Variants in NLRC5 observed in about 807,000 individuals in gnomAD.
The protein encoded by NLRC5 is NLR family CARD domain containing 5, also known as protein NLRC5.
NLRC5 carries 114 observed loss-of-function variants against 206.9 expected under a neutral mutation model. The observed-to-expected ratio is 0.55, with a 90% confidence interval of 0.47 to 0.64. The LOEUF (loss-of-function observed/expected upper bound fraction) is 0.64. NLRC5 is among the 30% of genes least tolerant of loss of function. The pLI, the probability that NLRC5 is intolerant of heterozygous loss-of-function variation, is 0.00. For missense variants in NLRC5, 2,008 were observed against 2,305.5 expected (o/e 0.87, Z 2.64); for synonymous variants, 952 against 962.8 (o/e 0.99, Z 0.21).
chr16:57,055,836 G>T (rs1307880800), intron 27 of NLRC5, among the ~76,000 whole-genome samples: 1 of 152,218 alleles, frequency 6.6e-6, no homozygotes, highest in Non-Finnish European at 1.5e-5. Context: ...GGCCCAGCAG[G>T]TGGTTAAAAG....
chr16:57,013,520 A>G (rs971961045), intron 1 of NLRC5: 3 of 819,004 alleles, frequency 3.7e-6, no homozygotes, highest in South Asian at 2.7e-5. Flanking sequence ...TTGTGCTTTC[A>G]TCATTACAGT....
At chr16:57,063,792 G>C (rs2066801507) in intron 32 of NLRC5, among the ~76,000 whole-genome samples, 1 of 152,016 alleles carries the variant, frequency 6.6e-6, no homozygotes, top group South Asian at 2.1e-4. Context: ...AGGTTGGAGT[G>C]CAGTGGTGCG....
In NLRC5 at chr16:57,034,195, C is replaced by G. The variant is rs3995817; in HGVS notation, c.2571C>G (p.His857Gln). 6.2e-7 allele frequency: 1 copy of G among 1,612,806 alleles called. No individual in the cohort carries two copies. Among genetic ancestry groups the G allele is most frequent in the African/African-American group, 1.3e-5 (1 of 74,826 alleles). Residue 857 changes from histidine (H) to glutamine (Q), a missense_variant, in exon 13 of 49, where the codon CAC becomes CAG. By Grantham distance (24) the His-to-Gln change is conservative. Coordinates refer to ENST00000688547, the MANE Select transcript of NLRC5 (RefSeq NM_001384950.1). Reference protein sequence around the residue: ...LRLQKCQLQVHDAEALIALLQ... With the variant: ...LRLQKCQLQVQDAEALIALLQ... ...TGCAGAAGTGTCAGCTCCAGGTCCA[C>G]GATGCGGAGGCCCTCATAGCCCTGC...
At chr16:57,000,323 A>C (rs1225678138) in intron 1 of NLRC5, among the ~76,000 whole-genome samples, 1 of 152,132 alleles carries the variant, frequency 6.6e-6, no homozygotes, top group Non-Finnish European at 1.5e-5. Flanking sequence ...CTCTTGGTGG[A>C]AAGTTCAAGC....
chr16:57,004,382 C>T (rs1372449292), intron 1 of NLRC5: 6 of 152,318 alleles, frequency 3.9e-5, no homozygotes, highest in Admixed American at 3.9e-4. Flanking sequence ...CCTGCCTCAG[C>T]CTCCAAAAGT....
Position 57,025,518 on chromosome 16 carries a change from A to G in NLRC5, c.575A>G (p.Glu192Gly), listed in dbSNP as rs1381933057. ...RRATASLDTP[E>G]GAIMGDVKVE... Reference sequence around the variant, plus strand: ...GCCACAGCATCCTTAGACACTCCGGAGGGGGCCATTATGGGGGACGTCAAG... The same window carrying G: ...GCCACAGCATCCTTAGACACTCCGGGGGGGGCCATTATGGGGGACGTCAAG... Residue 192 changes from glutamate (E) to glycine (G), a missense_variant, in exon 6 of 49, where the codon GAG (glutamate) becomes GGG (glycine). By Grantham distance (98) the Glu-to-Gly change is moderately conservative. Coordinates refer to ENST00000688547, the MANE Select transcript of NLRC5 (RefSeq NM_001384950.1). The G allele has an allele frequency of 6.2e-7, 1 of 1,613,428 alleles. No individual in the cohort carries two copies. Among genetic ancestry groups the G allele is most frequent in the East Asian group, 2.2e-5 (1 of 44,866 alleles).
At chr16:57,064,365 T>C (rs1217869705) in intron 32 of NLRC5, among the ~76,000 whole-genome samples, 3 of 152,320 alleles carry the variant, frequency 2.0e-5, no homozygotes, top group African/African-American at 7.2e-5. Context: ...TGCACATGCA[T>C]TGTAGAAAGT....
At chr16:57,054,473 C>T (rs1470903004) in intron 24 of NLRC5, among the ~76,000 whole-genome samples, 1 of 152,164 alleles carries the variant, frequency 6.6e-6, no homozygotes, top group Non-Finnish European at 1.5e-5. Flanking sequence ...TCATATACCT[C>T]GAGAGTCATA....
At chr16:57,071,647 T>C (rs1174876157) in intron 38 of NLRC5, among the ~76,000 whole-genome samples, 4 of 99,828 alleles carry the variant, frequency 4.0e-5, no homozygotes, top group Non-Finnish European at 5.6e-5. Context: ...GTGATGGTGG[T>C]TAATGGGAAG....
intron 43 of NLRC5, among the ~76,000 whole-genome samples, 193 bp downstream of exon 43, chr16:57,078,213 T>C (rs890260467): frequency 6.6e-6 from 1 of 152,240 alleles, no homozygotes; most frequent in Non-Finnish European, 1.5e-5. Context: ...AGCCTAGTCC[T>C]GGCTCTGCCA....
chr16:57,053,780 C>T (rs1445356728), intron 24 of NLRC5, among the ~76,000 whole-genome samples: 2 of 152,154 alleles, frequency 1.3e-5, no homozygotes, highest in South Asian at 2.1e-4. Context: ...CCGCCCGCCT[C>T]GGCTTCCCAA....
intron 10 of NLRC5, among the ~76,000 whole-genome samples, 163 bp downstream of exon 10, chr16:57,030,247 C>T (rs2061649133): frequency 6.6e-6 from 1 of 152,128 alleles, no homozygotes; most frequent in African/African-American, 2.4e-5. Context: ...GGCTTGGCAC[C>T]TGGTACTTGG....
chr16:57,067,590 C>A, intron 35 of NLRC5, 120 bp downstream of exon 35: 1 of 1,349,254 alleles, frequency 7.4e-7, no homozygotes, highest in Non-Finnish European at 1.0e-6. Context: ...TCACACTTGG[C>A]CAGTGGAGGG....
At chr16:57,007,587 A>G (rs1485152709) in intron 1 of NLRC5, among the ~76,000 whole-genome samples, 2 of 152,024 alleles carry the variant, frequency 1.3e-5, no homozygotes, top group South Asian at 2.1e-4. Flanking sequence ...AAAATTAATC[A>G]GGCATGGTGG....
Position 57,053,590 on chromosome 16 carries a change from G to A in NLRC5, c.3507-1161G>A, listed in dbSNP as rs144798483. ...GTCACACAGGCTGGAGTGCAATGGC[G>A]CAATCTCGGCTCACTGCAACCTCCG... is the stretch of plus-strand genomic sequence containing the variant. On this transcript the variant is annotated intron_variant, in intron 24 of 48. Coordinates refer to ENST00000688547, the MANE Select transcript of NLRC5 (RefSeq NM_001384950.1). Among the ~76,000 whole-genome samples the A allele has an allele frequency of 7.7e-3, 1,174 of 152,252 alleles. 17 individuals carry two copies. Among genetic ancestry groups the A allele is most frequent in the African/African-American group, 0.026 (1,081 of 41,540 alleles).
intron 1 of NLRC5, among the ~76,000 whole-genome samples, chr16:57,014,938 T>TC (rs397688955): frequency 1.3e-5 from 2 of 149,472 alleles, no homozygotes; most frequent in African/African-American, 2.5e-5. Flanking sequence ...TTTTTTTTTT[T>TC]GTTTGTTTGA....
At chr16:56,996,698 A>G (rs1266555323) in intron 1 of NLRC5, among the ~76,000 whole-genome samples, 1 of 152,198 alleles carries the variant, frequency 6.6e-6, no homozygotes, top group Non-Finnish European at 1.5e-5. Context: ...CATAATGTAT[A>G]CTTCCAGAAT....
chr16:57,061,682 GC>G lies in NLRC5; in HGVS notation c.4136del (p.Ala1379GlufsTer22), dbSNP rs750662374. 1.8e-5 allele frequency: 29 copies of G among 1,607,270 alleles called. No individual in the cohort carries two copies. Among genetic ancestry groups the G allele is most frequent in the Non-Finnish European group, 2.2e-5 (26 of 1,178,554 alleles). On this transcript the variant is annotated frameshift_variant, in exon 32 of 49. Transcript: ENST00000688547. LOFTEE classifies it high-confidence loss of function. ...AILLSLVGRP[A>X]GLFSLRVQEP... ...CCTCCTGAGCTTGGTGGGGCGACCC[GC>G]AGGGCTGTTCAGCCTCAGGTACCTC...
chr16:57,023,646 TG>T, intron 4 of NLRC5, 138 bp from the exon 5 acceptor site: 1 of 618,178 alleles, frequency 1.6e-6, no homozygotes, highest in Non-Finnish European at 2.8e-6. Flanking sequence ...GCCTGCTGCC[TG>T]CCTTTCCAGT....
Sources: allele counts gnomAD v4.1 joint callset (sites outside exome capture counted in the v4.1 genomes callset), GRCh38; gene constraint gnomAD v4.1.1; transcripts MANE v1.5; gene names NCBI Gene and HGNC (gene_info 2026-07-23, HGNC 2026-07-21).